The following CCSER1 variants were observed in gnomAD, a reference collection of about 807,000 sequenced individuals.
CCSER1 encodes coiled-coil serine rich protein 1.
In CCSER1, 41 loss-of-function variants were observed where a neutral mutation model predicts 82.0. The observed-to-expected ratio is 0.50, with a 90% CI of 0.39 to 0.65. The LOEUF is 0.65. Ranked by LOEUF, CCSER1 falls within the 30% of genes least tolerant of loss-of-function variation. CCSER1 has a pLI of 0.00. For synonymous variants in CCSER1, 414 were observed against 383.9 expected (o/e 1.08, Z -0.92); for missense variants, 1,119 against 1,064.2 (o/e 1.05, Z -0.72).
At position 90,268,112 on chromosome 4, in the gene CCSER1, A is replaced by G. The variant is rs555420578; in HGVS notation, c.-41-40132A>G. Among the ~76,000 whole-genome samples, 8 of 152,352 alleles carry G rather than the reference A, an allele frequency of 5.3e-5. No individual in the cohort carries two copies. The East Asian group carries it at 1.5e-3, about 29-fold the overall frequency. The stretch of plus-strand genomic sequence containing the variant: ...TTCTCAGACAAATAGAAGCTGAGAG[A>G]TTTCATTAATACCAGATCTGTTGTA... On this transcript the variant is annotated intron_variant, in intron 1 of 10. Coordinates refer to ENST00000509176, the MANE Select transcript of CCSER1 (RefSeq NM_001145065.2).
Position 91,599,021 on chromosome 4 carries a change from C to A in CCSER1, c.2667C>A (p.Ser889Arg), listed in dbSNP as rs1005679716. The A allele has an allele frequency of 4.5e-6, 7 of 1,549,204 alleles. No homozygotes were observed. In the Admixed American group the frequency reaches 5.9e-5, roughly 13 times the overall value. Reference protein sequence around the residue: ...KNVFLHHNLHSTELQTLGQQD... With the variant: ...KNVFLHHNLHRTELQTLGQQD... Reference sequence around the variant, plus strand: ...TGTTTCTCCACCACAATTTACACAGCACTGAGCTGCAAACTCTAGGCCAGC... The same window carrying A: ...TGTTTCTCCACCACAATTTACACAGAACTGAGCTGCAAACTCTAGGCCAGC... Residue 889 changes from serine (S) to arginine (R), a missense_variant, in exon 11 of 11, where the codon AGC (serine) becomes AGA (arginine). Coordinates refer to ENST00000509176, the MANE Select transcript of CCSER1 (RefSeq NM_001145065.2).
intron 9 of CCSER1, among the ~76,000 whole-genome samples, chr4:90,957,668 A>G (rs1321657236): frequency 2.3e-5 from 3 of 128,730 alleles, no homozygotes; most frequent in African/African-American, 8.9e-5. Context: ...ATATAACTAT[A>G]TAATTTCATG....
intron 10 of CCSER1, among the ~76,000 whole-genome samples, chr4:91,140,570 C>G (rs1486972201): frequency 1.3e-5 from 2 of 152,014 alleles, no homozygotes; most frequent in African/African-American, 2.4e-5. Flanking sequence ...AGTATTAATT[C>G]ATTATGTTTT....
At chr4:90,559,431 A>C (rs1379289686) in intron 5 of CCSER1, among the ~76,000 whole-genome samples, 1 of 152,082 alleles carries the variant, frequency 6.6e-6, no homozygotes, top group Non-Finnish European at 1.5e-5. Flanking sequence ...AGGACAACCC[A>C]AGGTAAGGTG....
At chr4:90,764,653 T>C (rs773038759) in intron 7 of CCSER1, among the ~76,000 whole-genome samples, 1 of 152,110 alleles carries the variant, frequency 6.6e-6, no homozygotes, top group Non-Finnish European at 1.5e-5. Context: ...AAATATCAAT[T>C]GTAATATTGG....
intron 5 of CCSER1, among the ~76,000 whole-genome samples, chr4:90,539,144 A>T (rs1775785372): frequency 6.6e-6 from 1 of 152,086 alleles, no homozygotes; most frequent in Admixed American, 6.6e-5. Flanking sequence ...TTTGTTTTAA[A>T]TATTTTAGAT....
At chr4:91,008,969 G>C (rs62309832) in intron 9 of CCSER1, among the ~76,000 whole-genome samples, 3 of 152,202 alleles carry the variant, frequency 2.0e-5, no homozygotes, top group African/African-American at 7.2e-5. Flanking sequence ...TGTTCAGCTC[G>C]ATTAGGACGA....
At chr4:91,273,222 T>C (rs1402515919) in intron 10 of CCSER1, among the ~76,000 whole-genome samples, 1 of 152,186 alleles carries the variant, frequency 6.6e-6, no homozygotes, top group Non-Finnish European at 1.5e-5. Flanking sequence ...ATTCTACCCA[T>C]CCGTGAGCAT....
rs145365889 is a variant in CCSER1 at position 91,127,272 on chromosome 4, T to C, written c.2217+41278T>C. On this transcript the variant is annotated intron_variant, in intron 10 of 10. Coordinates refer to ENST00000509176, the MANE Select transcript of CCSER1 (RefSeq NM_001145065.2). The stretch of plus-strand genomic sequence containing the variant: ...ATGGATAAAATAAGTCCAGGAAATA[T>C]GTGAAAAAAATTGAGAGATCCTGAA... Among the ~76,000 whole-genome samples, 1,436 of 152,152 alleles carry C rather than the reference T, an allele frequency of 9.4e-3. 35 individuals are homozygous for C. The highest frequency in any genetic ancestry group is 0.033 in the African/African-American group (1,374 of 41,526).
intron 1 of CCSER1, among the ~76,000 whole-genome samples, chr4:90,249,105 C>A (rs1360180993): frequency 6.6e-6 from 1 of 152,078 alleles, no homozygotes; most frequent in African/African-American, 2.4e-5. Context: ...ACATGGCATA[C>A]TTCTTTTTAA....
intron 7 of CCSER1, among the ~76,000 whole-genome samples, chr4:90,735,686 G>A (rs184486097): frequency 6.6e-6 from 1 of 151,976 alleles, no homozygotes; most frequent in East Asian, 1.9e-4. Context: ...TTATTGGTAT[G>A]GGCTTTCTCT....
chr4:91,135,677 C>T (rs1185484382), intron 10 of CCSER1, among the ~76,000 whole-genome samples: 5 of 151,698 alleles, frequency 3.3e-5, no homozygotes, highest in Admixed American at 3.3e-4. Flanking sequence ...AAGACATATA[C>T]ACAAAAGAAA....
chr4:90,552,696 A>G (rs1211595056), intron 5 of CCSER1, among the ~76,000 whole-genome samples: 1 of 152,026 alleles, frequency 6.6e-6, no homozygotes, highest in Admixed American at 6.6e-5. Context: ...AGCTCAAACA[A>G]TCCACCCAAT....
intron 3 of CCSER1, among the ~76,000 whole-genome samples, chr4:90,393,643 A>G (rs1286394986): frequency 6.6e-6 from 1 of 152,086 alleles, no homozygotes; most frequent in Non-Finnish European, 1.5e-5. Context: ...AACAGTATAG[A>G]TATGTGATTA....
chr4:90,758,237 A>G lies in CCSER1; in HGVS notation c.2010+34246A>G, dbSNP rs1749868500. Among the ~76,000 whole-genome samples, 3 of 152,112 alleles carry G rather than the reference A, an allele frequency of 2.0e-5. 1 individual carries two copies. In the South Asian group the frequency reaches 6.2e-4, roughly 31 times the overall value. On this transcript the variant is annotated intron_variant, in intron 7 of 10. Coordinates refer to ENST00000509176, the MANE Select transcript of CCSER1 (RefSeq NM_001145065.2). The stretch of plus-strand genomic sequence containing the variant: ...CAGGTGTGTAGTCCTTGTTTCTTAC[A>G]TCAAGAACCAGACCCTATGCTCCTA...
At chr4:90,668,140 G>C (rs1379361377) in intron 6 of CCSER1, among the ~76,000 whole-genome samples, 1 of 152,112 alleles carries the variant, frequency 6.6e-6, no homozygotes, top group Admixed American at 6.5e-5. Context: ...AATAAAAACA[G>C]CCATAATCTT....
intron 10 of CCSER1, among the ~76,000 whole-genome samples, chr4:91,167,842 A>G (rs1236344511): frequency 6.6e-6 from 1 of 152,250 alleles, no homozygotes; most frequent in African/African-American, 2.4e-5. Context: ...AATAAATAAT[A>G]CGCTTTTACA....
At chr4:90,343,419 C>G (rs143110818) in intron 3 of CCSER1, among the ~76,000 whole-genome samples, 2 of 152,098 alleles carry the variant, frequency 1.3e-5, no homozygotes, top group Non-Finnish European at 2.9e-5. Flanking sequence ...GGGTTCCAGA[C>G]CAGCCTGGCC....
chr4:90,589,018 T>C (rs549905829), intron 5 of CCSER1, among the ~76,000 whole-genome samples: 2 of 152,294 alleles, frequency 1.3e-5, no homozygotes, highest in East Asian at 3.9e-4. Flanking sequence ...ACTATTATTA[T>C]AATGGAGTCC....
Sources: allele counts gnomAD v4.1 joint callset (sites outside exome capture counted in the v4.1 genomes callset), GRCh38; gene constraint gnomAD v4.1.1; transcripts MANE v1.5; gene names NCBI Gene and HGNC (gene_info 2026-07-23, HGNC 2026-07-21).